ALDH4A1: variants seen among roughly 807,000 people sequenced by gnomAD.
The protein encoded by ALDH4A1 is aldehyde dehydrogenase 4 family member A1, also known as delta-1-pyrroline-5-carboxylate dehydrogenase, mitochondrial.
ALDH4A1 carries 46 observed loss-of-function variants against 70.5 expected under a neutral mutation model. The observed-to-expected ratio is 0.65, with a 90% CI of 0.51 to 0.83. The LOEUF (loss-of-function observed/expected upper bound fraction) is 0.83, where lower values mean the gene tolerates loss of function less well. Among genes scored for constraint, ALDH4A1 ranks in the 40% least tolerant of loss-of-function variants. The pLI is 0.00. For synonymous variants in ALDH4A1, 323 were observed against 324.3 expected (o/e 1.00, Z 0.04); for missense variants, 749 against 766.5 (o/e 0.98, Z 0.27).
intron 9 of ALDH4A1, 81 bp from the exon 10 acceptor site, chr1:18,877,693 A>C: frequency 6.6e-7 from 1 of 1,512,804 alleles, no homozygotes. Context: ...CACCTACGCC[A>C]TCCATGGCCC....
chr1:18,883,350 C>T lies in ALDH4A1; in HGVS notation c.532G>A (p.Val178Met), dbSNP rs915406168. The change falls in exon 6 of 15, where the codon GTG becomes ATG. Residue 178 changes from valine (V) to methionine (M), a missense_variant. Coordinates refer to ENST00000375341, the MANE Select transcript of ALDH4A1 (RefSeq NM_003748.4). ...DFFRFNAKYA[V>M]ELEGQQPISV... ...ATGGGCTGCTGCCCCTCCAGCTCCA[C>T]CGCATACTTGGCATTGAACCGGAAG... 3.7e-6 allele frequency: 6 copies of T among 1,613,472 alleles called. No homozygotes were observed. The highest frequency in any genetic ancestry group is 1.3e-5 in the African/African-American group (1 of 75,082).
chr1:18,895,291 C>T (rs935505009), intron 1 of ALDH4A1, among the ~76,000 whole-genome samples: 6 of 152,226 alleles, frequency 3.9e-5, no homozygotes, highest in African/African-American at 1.2e-4. Flanking sequence ...CCTTTCTGCT[C>T]ATGCCCTGAG....
In ALDH4A1 at chr1:18,876,473, G is replaced by C; in HGVS notation, c.1186-6C>G. On this transcript the variant is annotated splice_region_variant and splice_polypyrimidine_tract_variant and intron_variant, in intron 11 of 14. Coordinates refer to ENST00000375341, the MANE Select transcript of ALDH4A1 (RefSeq NM_003748.4). ...TTCTTGATACGGGCAAAGGACTGGG[G>C]TGGGCAGGGAGGAGGGAGGTCTAAG... 1 of 1,584,140 alleles carries C rather than the reference G, an allele frequency of 6.3e-7. No individual in the cohort carries two copies. Among genetic ancestry groups the C allele is most frequent in the Non-Finnish European group, 8.6e-7 (1 of 1,168,560 alleles).
rs575026510 is a variant in ALDH4A1 at position 18,880,337 on chromosome 1, C to G, written c.867-964G>C. 5.3e-5 allele frequency among the ~76,000 whole-genome samples: 8 copies of G among 152,170 alleles called. No homozygotes were observed. Among genetic ancestry groups the G allele is most frequent in the Non-Finnish European group, 1.2e-4 (8 of 68,020 alleles). ...TTCATCTTCCCCCGAGCCCGCTCGC[C>G]CTCCCAGGTGCCCATCTTGAACATT... On this transcript the variant is annotated intron_variant, in intron 8 of 14. Coordinates refer to ENST00000375341, the MANE Select transcript of ALDH4A1 (RefSeq NM_003748.4). This position sits in a 1 kb window ranked among gnomAD's most constrained non-coding sequence, Gnocchi z 5.1.
chr1:18,885,436 A>ACCCCCCCCCCCCCCCCCCCCCCCCCC, intron 5 of ALDH4A1, 37 bp downstream of exon 5: 2 of 386,872 alleles, frequency 5.2e-6, no homozygotes, highest in Non-Finnish European at 4.3e-6. Flanking sequence ...CTCCCACCCC[A>ACCCCCCCCCCCCCCCCCCCCCCCCCC]CCCCGCCCCA....
rs1390916193 is a variant in ALDH4A1, at chr1:18,898,661, GA to G, written c.62+3800del. Among the ~76,000 whole-genome samples, 1 of 152,192 alleles carries G rather than the reference GA, an allele frequency of 6.6e-6. No individual in the cohort carries two copies. The highest frequency in any genetic ancestry group is 1.5e-5 in the Non-Finnish European group (1 of 68,038). On this transcript the variant is annotated intron_variant, in intron 1 of 14. Coordinates refer to ENST00000375341, the MANE Select transcript of ALDH4A1 (RefSeq NM_003748.4). This position sits in a 1 kb window ranked among gnomAD's most constrained non-coding sequence, Gnocchi z 4.3. Reference sequence around the variant, plus strand: ...CTACTGTCATCTTTATTTTCCATATGAGAACATAAGGGAGCCCAGAGAGGGT... The same window carrying G: ...CTACTGTCATCTTTATTTTCCATATGGAACATAAGGGAGCCCAGAGAGGGT...
rs1038211341 is a variant in ALDH4A1, at chr1:18,886,323, C to T, written c.297+141G>A. The T allele has an allele frequency of 7.6e-6, 7 of 922,152 alleles. No individual in the cohort carries two copies. In the African/African-American group the frequency reaches 1.1e-4, roughly 15 times the overall value. The allele number at this position is 922,152 out of a possible 1,614,324, so 57.1% of individuals were successfully genotyped here. On this transcript the variant is annotated intron_variant, in intron 4 of 14. Coordinates refer to ENST00000375341, the MANE Select transcript of ALDH4A1 (RefSeq NM_003748.4). ...ACCCAGGGACTCCCTCAGTGTCAGC[C>T]ACCCCCTGCCCACCTACCCACCATG...
In ALDH4A1 at chr1:18,872,392, C is replaced by T; in HGVS notation, c.*453G>A. On this transcript the variant is annotated 3_prime_UTR_variant, in exon 15 of 15. Transcript: ENST00000375341. ...AAGGCCAGCTGGTGCCCCCTGTGCC[C>T]CACAGGTCAGTCTGAGTTACACTTT... 6.2e-6 allele frequency: 1 copy of T among 160,842 alleles called. No individual in the cohort carries two copies. Among genetic ancestry groups the T allele is most frequent in the South Asian group, 1.8e-4 (1 of 5,490 alleles). The allele number at this position is 160,842 out of a possible 1,614,324, so 10.0% of individuals were successfully genotyped here. A position where few individuals can be genotyped will look rare whatever the true frequency, so the allele number is the denominator to read the frequency against.
At chr1:18,899,733 A>G (rs1273122466) in intron 1 of ALDH4A1, among the ~76,000 whole-genome samples, 1 of 152,222 alleles carries the variant, frequency 6.6e-6, no homozygotes, top group African/African-American at 2.4e-5. Flanking sequence ...TGAAAAGTAA[A>G]TGGCAGTCAT....
intron 3 of ALDH4A1, among the ~76,000 whole-genome samples, chr1:18,886,913 C>T (rs747916636): frequency 5.9e-5 from 9 of 152,144 alleles, no homozygotes; most frequent in Non-Finnish European, 1.3e-4. Context: ...GGGGACTGCC[C>T]TCCCTGTCTC....
Position 18,889,471 on chromosome 1 carries a change from G to A in ALDH4A1, c.157-17C>T, listed in dbSNP as rs1935349290. 1 of 1,548,442 alleles carries A rather than the reference G, an allele frequency of 6.5e-7. No homozygotes were observed. The highest frequency in any genetic ancestry group is 2.4e-5 in the East Asian group (1 of 40,882). On this transcript the variant is annotated splice_polypyrimidine_tract_variant and intron_variant, in intron 2 of 14. Coordinates refer to ENST00000375341, the MANE Select transcript of ALDH4A1 (RefSeq NM_003748.4). ...CTTCAAGGCCTGGGGAGAGGGACAA[G>A]AGTGGGTATGGTCACCGCCTTCCTC...
intron 1 of ALDH4A1, among the ~76,000 whole-genome samples, chr1:18,895,292 A>G (rs1935579564): frequency 6.6e-6 from 1 of 152,186 alleles, no homozygotes; most frequent in Non-Finnish European, 1.5e-5. Flanking sequence ...CTTTCTGCTC[A>G]TGCCCTGAGC....
intron 1 of ALDH4A1, 151 bp downstream of exon 1, chr1:18,902,311 T>A (rs9426678): frequency 0.032 from 16,582 of 525,130 alleles, 321 homozygotes; most frequent in Middle Eastern, 0.064. Flanking sequence ...TGGGTGGGGG[T>A]CGGAGGGGAG....
chr1:18,893,906 T>C lies in ALDH4A1; in HGVS notation c.63-3801A>G, dbSNP rs917377342. ...CACTTGTTACTGCAGCTAATCGGAG[T>C]GTATATTCGAGGTAACTTGAATCTA... On this transcript the variant is annotated intron_variant, in intron 1 of 14. Coordinates refer to ENST00000375341, the MANE Select transcript of ALDH4A1 (RefSeq NM_003748.4). 5.9e-5 allele frequency among the ~76,000 whole-genome samples: 9 copies of C among 152,332 alleles called. No individual in the cohort carries two copies. In the East Asian group the frequency reaches 1.5e-3, roughly 26 times the overall value.
chr1:18,877,409 C>T lies in ALDH4A1; in HGVS notation c.1137+7G>A, dbSNP rs1184644888. ...TGGGCCGCGGCGGGGGTGACGGTGC[C>T]ACTCACGTCGCCCACTTTGATCCGA... On this transcript the variant is annotated splice_region_variant and intron_variant, in intron 10 of 14. Transcript: ENST00000375341. 3.2e-6 allele frequency: 5 copies of T among 1,563,686 alleles called. No individual in the cohort carries two copies. The highest frequency in any genetic ancestry group is 2.4e-5 in the East Asian group (1 of 42,182).
intron 1 of ALDH4A1, among the ~76,000 whole-genome samples, chr1:18,893,691 A>T (rs1473500643): frequency 6.6e-6 from 1 of 152,122 alleles, no homozygotes. Flanking sequence ...TTTAGTAGAG[A>T]TGGGGTTTCA....
chr1:18,899,928 G>C (rs371271367), intron 1 of ALDH4A1, among the ~76,000 whole-genome samples: 168 of 152,294 alleles, frequency 1.1e-3, no homozygotes, highest in African/African-American at 4.0e-3. Context: ...GGAACATACT[G>C]TAAGGCAGAC....
chr1:18,881,100 T>A (rs149838759), intron 8 of ALDH4A1, among the ~76,000 whole-genome samples: 96 of 152,202 alleles, frequency 6.3e-4, no homozygotes, highest in African/African-American at 2.2e-3. Flanking sequence ...ATGGTCGAGA[T>A]CAGGTAGTGG....
chr1:18,885,427 T>TGCCACCCCCCCCCCCCCCCCCCCCCCCC, intron 5 of ALDH4A1, 46 bp downstream of exon 5: 4 of 650,918 alleles, frequency 6.1e-6, no homozygotes, highest in East Asian at 6.3e-5. Flanking sequence ...CACACCTGAC[T>TGCCACCCCCCCCCCCCCCCCCCCCCCCC]CCCACCCCAC....
Sources: allele counts gnomAD v4.1 joint callset (sites outside exome capture counted in the v4.1 genomes callset), GRCh38; gene constraint gnomAD v4.1.1; non-coding constraint Gnocchi (gnomAD v3.1); transcripts MANE v1.5; gene names NCBI Gene and HGNC (gene_info 2026-07-23, HGNC 2026-07-21).